The following FRYL variants were observed in gnomAD, a reference collection of about 807,000 sequenced individuals.
The protein encoded by FRYL is FRY like transcription coactivator, also known as protein furry homolog-like.
In FRYL, 150 loss-of-function variants were observed where a neutral mutation model predicts 351.2. That is an observed-to-expected ratio of 0.43 (90% confidence interval 0.37 to 0.49). The LOEUF is 0.49. Ranked by LOEUF, FRYL falls within the 20% of genes least tolerant of loss-of-function variation. The pLI is 0.00. For synonymous variants in FRYL, 1,153 were observed against 1,257.1 expected, an observed-to-expected ratio of 0.92 and a Z score of 1.75; for missense variants, 3,036 against 3,619.3, an observed-to-expected ratio of 0.84 and a Z score of 4.13.
chr4:48,732,064 T>C (rs573167721), intron 1 of FRYL, among the ~76,000 whole-genome samples: 14 of 152,084 alleles, frequency 9.2e-5, no homozygotes, highest in African/African-American at 2.4e-4. Flanking sequence ...ACAAAGAACT[T>C]AAATAAATTT....
At chr4:48,643,786 C>T (rs573853239) in intron 3 of FRYL, among the ~76,000 whole-genome samples, 17 of 152,108 alleles carry the variant, frequency 1.1e-4, no homozygotes, top group African/African-American at 4.1e-4. Context: ...ATAAGAAAAG[C>T]ATAGGACTTC....
At chr4:48,592,082 T>TTATATCTATAGATATATA (rs1743416801) in intron 16 of FRYL, among the ~76,000 whole-genome samples, 1 of 116,178 alleles carries the variant, frequency 8.6e-6, no homozygotes, top group African/African-American at 4.5e-5. Flanking sequence ...AATAAAGCTC[T>TTATATCTATAGATATATA]TATATATATA....
intron 19 of FRYL, among the ~76,000 whole-genome samples, chr4:48,583,169 T>G (rs78083529): frequency 6.6e-6 from 1 of 152,038 alleles, no homozygotes; most frequent in Non-Finnish European, 1.5e-5. Context: ...TTTTTTTTTT[T>G]GAGACAGAAT....
At chr4:48,748,251 A>C (rs1772881235) in intron 1 of FRYL, among the ~76,000 whole-genome samples, 1 of 152,172 alleles carries the variant, frequency 6.6e-6, no homozygotes, top group Non-Finnish European at 1.5e-5. Flanking sequence ...GTTTCAAAAA[A>C]AAAATACTTA....
At chr4:48,755,892 T>C (rs1407431727) in intron 1 of FRYL, among the ~76,000 whole-genome samples, 8 of 151,894 alleles carry the variant, frequency 5.3e-5, no homozygotes, top group African/African-American at 1.7e-4. Context: ...AGTTTATAAT[T>C]TGTTTAAATT....
intron 38 of FRYL, 93 bp downstream of exon 38, chr4:48,550,499 C>T (rs1289144713): frequency 1.3e-6 from 1 of 793,158 alleles, no homozygotes; most frequent in Non-Finnish European, 2.0e-6. Flanking sequence ...TTTTTAAAAA[C>T]AATTTACTGA....
In FRYL at chr4:48,547,659, G is replaced by A; in HGVS notation, c.4999C>T (p.Leu1667Phe). ...GGCTCATTAAACTCCTTGTTCCTGA[G>A]AAGGACAGAAGCAACAGTTCGGATG... ...SNIRTVASVLLRNKEFNEPRV... is the reference protein window; with the variant it reads ...SNIRTVASVLFRNKEFNEPRV... The change falls in exon 41 of 64, where the codon CTC becomes TTC. Residue 1667 changes from leucine (L) to phenylalanine (F), a missense_variant. By Grantham distance (22) the Leu-to-Phe change is conservative. Coordinates refer to ENST00000358350, the MANE Select transcript of FRYL (RefSeq NM_015030.2). 6.2e-7 allele frequency: 1 copy of A among 1,607,602 alleles called. No individual in the cohort carries two copies. The highest frequency in any genetic ancestry group is 8.5e-7 in the Non-Finnish European group (1 of 1,175,510).
chr4:48,767,803 G>A (rs190694246), intron 1 of FRYL, among the ~76,000 whole-genome samples: 1 of 152,282 alleles, frequency 6.6e-6, no homozygotes, highest in African/African-American at 2.4e-5. Flanking sequence ...CAGCAGCAGA[G>A]GCTTCTTCCT....
chr4:48,745,190 T>C (rs1217713686), intron 1 of FRYL, among the ~76,000 whole-genome samples: 1 of 152,182 alleles, frequency 6.6e-6, no homozygotes, highest in Non-Finnish European at 1.5e-5. Context: ...TGGAAGACAG[T>C]GTGGCGACTC....
At chr4:48,672,495 A>G (rs1762905108) in intron 3 of FRYL, among the ~76,000 whole-genome samples, 1 of 152,340 alleles carries the variant, frequency 6.6e-6, no homozygotes, top group South Asian at 2.1e-4. Context: ...ACACTATGAC[A>G]CTATGAAAGC....
chr4:48,675,160 G>A (rs1282722648), intron 3 of FRYL, among the ~76,000 whole-genome samples: 1 of 152,210 alleles, frequency 6.6e-6, no homozygotes, highest in Admixed American at 6.5e-5. Context: ...CCATTCTCCT[G>A]AGAGGTGACA....
At chr4:48,770,907 T>C (rs894826059) in intron 1 of FRYL, among the ~76,000 whole-genome samples, 1 of 152,194 alleles carries the variant, frequency 6.6e-6, no homozygotes, top group Admixed American at 6.5e-5. Context: ...AATTTTTACC[T>C]TGGGAAGAAC....
At chr4:48,635,822 C>T (rs530500165) in intron 3 of FRYL, among the ~76,000 whole-genome samples, 18 of 152,232 alleles carry the variant, frequency 1.2e-4, no homozygotes, top group African/African-American at 3.9e-4. Flanking sequence ...GCCCTTGAAC[C>T]CCTTCCTTGA....
rs750883516 is a variant in FRYL, at chr4:48,510,896, C to T, written c.8234G>A (p.Ser2745Asn). ...ACACAGCATCATCACTTCCAAGGAACTTTTAAATTTGGTACCAATGCGTTG... is the reference window on the plus strand; with the variant it reads ...ACACAGCATCATCACTTCCAAGGAATTTTTAAATTTGGTACCAATGCGTTG... Reference protein sequence around the residue: ...SLQRIGTKFKSSLEVMMLCSE... With the variant: ...SLQRIGTKFKNSLEVMMLCSE... The change falls in exon 58 of 64, where the codon AGT becomes AAT. Residue 2745 changes from serine to asparagine, a missense_variant. Coordinates refer to ENST00000358350, the MANE Select transcript of FRYL (RefSeq NM_015030.2). 1.2e-6 allele frequency: 2 copies of T among 1,613,238 alleles called. No individual in the cohort carries two copies. Among genetic ancestry groups the T allele is most frequent in the East Asian group, 4.5e-5 (2 of 44,830 alleles).
chr4:48,739,899 G>T (rs894076388), intron 1 of FRYL, among the ~76,000 whole-genome samples: 1 of 152,150 alleles, frequency 6.6e-6, no homozygotes, highest in Non-Finnish European at 1.5e-5. Flanking sequence ...AGAACTGGTG[G>T]TTTTGTAAGT....
chr4:48,745,958 GTAAA>G (rs895369310), intron 1 of FRYL, among the ~76,000 whole-genome samples: 4 of 152,048 alleles, frequency 2.6e-5, no homozygotes, highest in African/African-American at 9.7e-5. Context: ...GTATCTTAGA[GTAAA>G]TAAAAAAAAT....
Position 48,777,772 on chromosome 4 carries a change from T to C in FRYL, c.-384+2306A>G, listed in dbSNP as rs73815329. ...ACTTGGTTTAACCGTCTCCTTTTAT[T>C]ATGAGATGGGAAGGAAGATTATGCC... On this transcript the variant is annotated intron_variant, in intron 1 of 63. Transcript: ENST00000358350. Among the ~76,000 whole-genome samples the C allele has an allele frequency of 2.8e-3, 429 of 152,290 alleles. 1 individual carries two copies. Among genetic ancestry groups the C allele is most frequent in the African/African-American group, 9.9e-3 (411 of 41,548 alleles).
At chr4:48,566,317 A>AT (rs764277734) in intron 28 of FRYL, among the ~76,000 whole-genome samples, 4 of 152,114 alleles carry the variant, frequency 2.6e-5, no homozygotes. Context: ...ATCTCCAAGG[A>AT]TTTTTTTCCC....
Position 48,522,998 on chromosome 4 carries a change from G to A in FRYL, c.7424C>T (p.Thr2475Ile), listed in dbSNP as rs1277466159. The A allele has an allele frequency of 6.2e-7, 1 of 1,613,848 alleles. No individual in the cohort carries two copies. Among genetic ancestry groups the A allele is most frequent in the East Asian group, 2.2e-5 (1 of 44,876 alleles). The part of the protein sequence containing the change: ...SLQEYQCSSS[T>I]PSLNLTNQED... ...CTGATTGGTGAGGTTCAGGCTGGGG[G>A]TGCTACTAGAGCACTGGTACTCCTG... The change falls in exon 54 of 64, where the codon ACC (threonine) becomes ATC (isoleucine). Residue 2475 changes from threonine (T) to isoleucine (I), a missense_variant. This residue lies in a region of FRYL where 1,987 missense variants were observed against 2,311.7 expected (regional missense o/e 0.86). Transcript: ENST00000358350.
Sources: allele counts gnomAD v4.1 joint callset (sites outside exome capture counted in the v4.1 genomes callset), GRCh38; gene constraint gnomAD v4.1.1; regional missense constraint gnomAD v4.1.1; transcripts MANE v1.5; gene names NCBI Gene and HGNC (gene_info 2026-07-23, HGNC 2026-07-21).